The following CEP57L1 variants were observed in gnomAD, a reference collection of about 807,000 sequenced individuals.
CEP57L1 encodes the protein centrosomal protein 57 like 1.
In CEP57L1, 37 loss-of-function variants were observed where a neutral mutation model predicts 61.0. That is an observed-to-expected ratio of 0.61 (90% CI 0.47 to 0.80). The LOEUF is 0.80. Ranked by LOEUF, CEP57L1 falls within the 30% of genes least tolerant of loss-of-function variation. CEP57L1 has a pLI of 0.00. For synonymous variants in CEP57L1, 137 were observed against 162.3 expected, an observed-to-expected ratio of 0.84 and a Z score of 1.19; for missense variants, 422 against 524.7, an observed-to-expected ratio of 0.80 and a Z score of 1.91.
chr6:109,095,445 AG>A, upstream of CEP57L1: 2 of 985,850 alleles, frequency 2.0e-6, no homozygotes, highest in Non-Finnish European at 2.4e-6. Flanking sequence ...TGGGGAATGT[AG>A]TTTCGATGCT....
intron 1 of CEP57L1, among the ~76,000 whole-genome samples, chr6:109,140,972 G>A (rs1291974626): frequency 2.7e-5 from 4 of 149,944 alleles, no homozygotes; most frequent in Non-Finnish European, 5.9e-5. Context: ...CTGGGACTAC[G>A]GGCGCCCACC....
At chr6:109,158,403 C>T (rs1460977900) in intron 7 of CEP57L1, 9 of 285,242 alleles carry the variant, frequency 3.2e-5, no homozygotes, top group South Asian at 1.5e-4. Flanking sequence ...GCAGGAGAAT[C>T]GCTTGAGCCT....
chr6:109,132,444 C>T (rs945259053), intron 1 of CEP57L1, among the ~76,000 whole-genome samples: 7 of 152,110 alleles, frequency 4.6e-5, no homozygotes, highest in African/African-American at 1.7e-4. Flanking sequence ...AAATCCTTAC[C>T]ACAGGTTTTT....
In CEP57L1 at chr6:109,155,838, A is replaced by G. The variant is rs1773165741; in HGVS notation, c.705A>G (p.Ser235=). Reference sequence around the variant, plus strand: ...GTAAAATTATAATGTCTTCAGTTTCAAATCTAAAGCACTCCAAGGAAAAGA... The same window carrying G: ...GTAAAATTATAATGTCTTCAGTTTCGAATCTAAAGCACTCCAAGGAAAAGA... ...EISKIIMSSV[S]NLKHSKEKKK... is the part of the protein sequence containing the mutation. The change falls in exon 7 of 11, where the codon TCA becomes TCG. Residue 235 remains serine, a synonymous_variant. Coordinates refer to ENST00000517392, the MANE Select transcript of CEP57L1 (RefSeq NM_001271852.3). The G allele has an allele frequency of 6.3e-7, 1 of 1,590,546 alleles. No individual in the cohort carries two copies. Among genetic ancestry groups the G allele is most frequent in the Non-Finnish European group, 8.6e-7 (1 of 1,163,852 alleles).
At chr6:109,133,360 T>C (rs1308430528) in intron 1 of CEP57L1, among the ~76,000 whole-genome samples, 1 of 152,084 alleles carries the variant, frequency 6.6e-6, no homozygotes, top group Non-Finnish European at 1.5e-5. Flanking sequence ...CAGTTCACAA[T>C]AGGGTTTGCG....
upstream of CEP57L1, chr6:109,095,315 C>T: frequency 1.0e-6 from 1 of 985,974 alleles, no homozygotes; most frequent in African/African-American, 1.7e-5. Context: ...AGAAAGAGGG[C>T]GCGAAGGGAC....
chr6:109,153,151 A>G (rs887324786), intron 4 of CEP57L1, among the ~76,000 whole-genome samples: 3 of 151,160 alleles, frequency 2.0e-5, no homozygotes, highest in Admixed American at 2.0e-4. Context: ...GTTTTCCATA[A>G]TAGAATTAAT....
Position 109,159,369 on chromosome 6 carries a change from C to T in CEP57L1, c.923C>T (p.Ala308Val). The T allele has an allele frequency of 1.9e-6, 3 of 1,613,990 alleles. No homozygotes were observed. The highest frequency in any genetic ancestry group is 2.5e-6 in the Non-Finnish European group (3 of 1,179,910). ...KPSRTTSWCKAIPPDSEKSIS... is the reference protein window; with the variant it reads ...KPSRTTSWCKVIPPDSEKSIS... ...TCTAGAACAACTTCCTGGTGTAAAG[C>T]TATTCCTCCTGACTCAGAAAAGTCC... Residue 308 changes from alanine to valine, a missense_variant, in exon 9 of 11, where the codon GCT becomes GTT. Coordinates refer to ENST00000517392, the MANE Select transcript of CEP57L1 (RefSeq NM_001271852.3).
In CEP57L1 at chr6:109,163,078, G is replaced by T; in HGVS notation, c.*108G>T. The T allele has an allele frequency of 1.4e-6, 1 of 730,236 alleles. No homozygotes were observed. 45.2% of individuals were successfully genotyped at this position (730,236 alleles called of 1,614,324 possible). A position where few individuals can be genotyped will look rare whatever the true frequency, so the allele number is the denominator to read the frequency against. ...TGTGACATTTTGAATCATGTTTCTA[G>T]TTTCTATAAAACATGAAGTTGCAGT... On this transcript the variant is annotated 3_prime_UTR_variant, in exon 11 of 11. Coordinates refer to ENST00000517392, the MANE Select transcript of CEP57L1 (RefSeq NM_001271852.3).
intron 7 of CEP57L1, 38 bp from the exon 8 acceptor site, chr6:109,158,987 T>G: frequency 1.9e-6 from 3 of 1,572,560 alleles, no homozygotes; most frequent in Non-Finnish European, 2.6e-6. Flanking sequence ...ACTTTTAAAA[T>G]AATTTCTTGT....
intron 1 of CEP57L1, among the ~76,000 whole-genome samples, chr6:109,132,652 T>G (rs993990341): frequency 6.6e-6 from 1 of 152,254 alleles, no homozygotes; most frequent in South Asian, 2.1e-4. Context: ...TATATGTGTA[T>G]GTAAAGAAAT....
At chr6:109,152,621 A>G (rs1231998210) in intron 4 of CEP57L1, among the ~76,000 whole-genome samples, 1 of 147,418 alleles carries the variant, frequency 6.8e-6, no homozygotes, top group Non-Finnish European at 1.5e-5. Context: ...ACAAAATAGC[A>G]TATAGATGTG....
chr6:109,098,339 G>T (rs181360989), intron 1 of CEP57L1, among the ~76,000 whole-genome samples: 2 of 152,140 alleles, frequency 1.3e-5, no homozygotes, highest in African/African-American at 4.8e-5. Flanking sequence ...TAGAGACAGG[G>T]TTTCACCATG....
intron 4 of CEP57L1, among the ~76,000 whole-genome samples, chr6:109,152,129 ACT>A (rs1477827420): frequency 2.0e-5 from 3 of 151,448 alleles, no homozygotes; most frequent in African/African-American, 7.3e-5. Flanking sequence ...GGTTACCAAG[ACT>A]CTGTTTATTG....
chr6:109,098,015 G>A (rs923298953), intron 1 of CEP57L1, among the ~76,000 whole-genome samples: 1 of 152,246 alleles, frequency 6.6e-6, no homozygotes, highest in African/African-American at 2.4e-5. Flanking sequence ...GTAATGGTAG[G>A]AGAACATGTA....
chr6:109,161,720 G>C (rs1317171216), intron 10 of CEP57L1, among the ~76,000 whole-genome samples: 2 of 152,046 alleles, frequency 1.3e-5, no homozygotes. Flanking sequence ...TTGCATTGGA[G>C]AAACTTGAAA....
rs959479660 is a variant in CEP57L1 at position 109,164,793 on chromosome 6, A to G, written c.*1823A>G. ...CTTTAAAAATTATCATTAAAAATTT[A>G]AAAACCGTCCAGGCGCGGTGGCTCA... is the stretch of plus-strand genomic sequence containing the variant. On this transcript the variant is annotated 3_prime_UTR_variant, in exon 11 of 11. Coordinates refer to ENST00000517392, the MANE Select transcript of CEP57L1 (RefSeq NM_001271852.3). 2.6e-5 allele frequency among the ~76,000 whole-genome samples: 4 copies of G among 152,136 alleles called. No individual in the cohort carries two copies. Among genetic ancestry groups the G allele is most frequent in the African/African-American group, 7.2e-5 (3 of 41,446 alleles).
Position 109,166,815 on chromosome 6 carries a change from A to G in CEP57L1, c.*3845A>G, listed in dbSNP as rs1054230499. On this transcript the variant is annotated 3_prime_UTR_variant, in exon 11 of 11. Transcript: ENST00000517392. The stretch of plus-strand genomic sequence containing the variant: ...ATGGAAGGAGTGCATTGTGGACAGA[A>G]ATGCAACAGCTGCCATTATTGGTGT... 2.6e-5 allele frequency among the ~76,000 whole-genome samples: 4 copies of G among 152,306 alleles called. No homozygotes were observed. The highest frequency in any genetic ancestry group is 5.9e-5 in the Non-Finnish European group (4 of 68,016).
In CEP57L1 at chr6:109,159,092, T is replaced by C. The variant is rs766956779; in HGVS notation, c.812T>C (p.Val271Ala). The change falls in exon 8 of 11, where the codon GTG becomes GCG. Residue 271 changes from valine to alanine, a missense_variant. By Grantham distance (64) the Val-to-Ala change is moderately conservative. Coordinates refer to ENST00000517392, the MANE Select transcript of CEP57L1 (RefSeq NM_001271852.3). Reference protein sequence around the residue: ...ICSKFGALPFVAEKMRQHRDP... With the variant: ...ICSKFGALPFAAEKMRQHRDP... ...TCAAAGTTTGGAGCACTGCCTTTTG[T>C]GGCTGAAAAGGTGAGAGGGGATAAA... 66 of 1,613,930 alleles carry C rather than the reference T, an allele frequency of 4.1e-5. No homozygotes were observed. Among genetic ancestry groups the C allele is most frequent in the Non-Finnish European group, 5.6e-5 (66 of 1,179,936 alleles).
Sources: allele counts gnomAD v4.1 joint callset (sites outside exome capture counted in the v4.1 genomes callset), GRCh38; gene constraint gnomAD v4.1.1; transcripts MANE v1.5; gene names NCBI Gene and HGNC (gene_info 2026-07-23, HGNC 2026-07-21).